Variants in CNTN4 observed in about 807,000 individuals in gnomAD.
The protein encoded by CNTN4 is contactin-4.
A neutral mutation model predicts 122.5 loss-of-function variants in CNTN4; 77 were observed. The observed-to-expected ratio is 0.63, with a 90% CI of 0.52 to 0.76. The LOEUF (loss-of-function observed/expected upper bound fraction) is 0.76. Ranked by LOEUF, CNTN4 falls within the 30% of genes least tolerant of loss-of-function variation. CNTN4 has a pLI of 0.00. For synonymous variants in CNTN4, 512 were observed against 447.0 expected (o/e 1.15, Z -1.83); for missense variants, 1,256 against 1,259.1 (o/e 1.00, Z 0.04).
intron 2 of CNTN4, among the ~76,000 whole-genome samples, chr3:2,192,144 G>T (rs1240453720): frequency 1.3e-5 from 2 of 152,004 alleles, no homozygotes; most frequent in African/African-American, 4.8e-5. Flanking sequence ...GGACATTTGG[G>T]TTGGTTCCAA....
intron 8 of CNTN4, among the ~76,000 whole-genome samples, chr3:2,871,881 G>T (rs1219092440): frequency 3.9e-5 from 6 of 152,160 alleles, no homozygotes; most frequent in Non-Finnish European, 8.8e-5. Flanking sequence ...GTAGATATAT[G>T]TGAGAACAGA....
At chr3:2,334,573 G>GCA (rs2043868562) in intron 2 of CNTN4, among the ~76,000 whole-genome samples, 1 of 143,994 alleles carries the variant, frequency 6.9e-6, no homozygotes, top group Non-Finnish European at 1.5e-5. Flanking sequence ...AGCAAATAAC[G>GCA]TGGTAAAGCT....
chr3:2,822,919 C>T (rs2092908025), intron 7 of CNTN4, among the ~76,000 whole-genome samples: 1 of 152,174 alleles, frequency 6.6e-6, no homozygotes. Flanking sequence ...ATTATAAGCT[C>T]TATTAGAAAT....
At chr3:2,178,049 C>A (rs952199960) in intron 2 of CNTN4, among the ~76,000 whole-genome samples, 25 of 152,010 alleles carry the variant, frequency 1.6e-4, no homozygotes, top group African/African-American at 5.6e-4. Context: ...AAAGTCATTA[C>A]CATTCACTTC....
chr3:2,198,207 C>T (rs1182205867), intron 2 of CNTN4, among the ~76,000 whole-genome samples: 1 of 152,100 alleles, frequency 6.6e-6, no homozygotes, highest in African/African-American at 2.4e-5. Context: ...GCTAATGCTC[C>T]TTGGAAAGTT....
chr3:2,386,172 G>T (rs916676903), intron 3 of CNTN4, among the ~76,000 whole-genome samples: 3 of 151,962 alleles, frequency 2.0e-5, no homozygotes, highest in African/African-American at 7.2e-5. Flanking sequence ...TCCCAGAAGG[G>T]AAAAATGAGT....
intron 4 of CNTN4, among the ~76,000 whole-genome samples, chr3:2,652,109 AT>A (rs1436804488): frequency 1.3e-5 from 2 of 151,450 alleles, no homozygotes; most frequent in Non-Finnish European, 2.9e-5. Context: ...TCCTACCAAC[AT>A]TTTTCGATTG....
intron 3 of CNTN4, among the ~76,000 whole-genome samples, chr3:2,460,275 C>G (rs2151427075): frequency 6.6e-6 from 1 of 152,246 alleles, no homozygotes; most frequent in South Asian, 2.1e-4. Flanking sequence ...GGTTTTCAAT[C>G]ACCTTAAAGT....
In CNTN4 at chr3:3,007,670, A is replaced by T. The variant is rs138335311; in HGVS notation, c.1487-18432A>T. On this transcript the variant is annotated intron_variant, in intron 14 of 24. Coordinates refer to ENST00000418658, the MANE Select transcript of CNTN4 (RefSeq NM_175607.3). ...TACCCTATTAAAAAGAGAGAATACC[A>T]GTGTGGTAAAATATCCACTTATCCA... 6.8e-4 allele frequency among the ~76,000 whole-genome samples: 104 copies of T among 152,334 alleles called. 2 individuals are homozygous for T. In the East Asian group the frequency reaches 0.019, roughly 27 times the overall value.
intron 2 of CNTN4, among the ~76,000 whole-genome samples, chr3:2,279,345 C>G (rs866671387): frequency 2.0e-5 from 3 of 152,060 alleles, no homozygotes; most frequent in Admixed American, 2.0e-4. Context: ...GTTATATGCC[C>G]TGGGATATAA....
intron 13 of CNTN4, among the ~76,000 whole-genome samples, chr3:2,952,794 A>T (rs1313834655): frequency 6.6e-6 from 1 of 152,200 alleles, no homozygotes; most frequent in South Asian, 2.1e-4. Context: ...AATCTCTAGT[A>T]TTCTAATTAG....
At chr3:2,663,335 G>A (rs4234548) in intron 4 of CNTN4, among the ~76,000 whole-genome samples, 59,538 of 152,028 alleles carry the variant, frequency 0.39, 12,470 homozygotes, top group South Asian at 0.55. Context: ...AAGAAGTACT[G>A]TAGGTAAAAT....
intron 4 of CNTN4, among the ~76,000 whole-genome samples, chr3:2,712,196 CA>C: frequency 6.6e-6 from 1 of 152,124 alleles, no homozygotes; most frequent in African/African-American, 2.4e-5. Context: ...AGTTGAATTG[CA>C]AAAACTTGGA....
intron 2 of CNTN4, among the ~76,000 whole-genome samples, chr3:2,256,235 A>G (rs2040585323): frequency 6.6e-6 from 1 of 152,180 alleles, no homozygotes. Flanking sequence ...CCCAAGACTA[A>G]ACCAGGAAGA....
At chr3:2,210,708 G>A (rs1347769971) in intron 2 of CNTN4, among the ~76,000 whole-genome samples, 1 of 152,122 alleles carries the variant, frequency 6.6e-6, no homozygotes, top group Non-Finnish European at 1.5e-5. Flanking sequence ...TCTTCTCTAT[G>A]GTAAGACTCA....
chr3:2,567,013 C>A (rs913375256), intron 3 of CNTN4, among the ~76,000 whole-genome samples: 1 of 151,694 alleles, frequency 6.6e-6, no homozygotes, highest in Non-Finnish European at 1.5e-5. Context: ...AAAATAAAAT[C>A]TTTTTAGGTC....
intron 2 of CNTN4, among the ~76,000 whole-genome samples, chr3:2,139,885 C>G (rs115451993): frequency 0.013 from 2,009 of 152,338 alleles, 51 homozygotes; most frequent in African/African-American, 0.046. Flanking sequence ...CCACCTGATA[C>G]GGTTTGTCTG....
At chr3:2,382,434 C>T (rs953744449) in intron 3 of CNTN4, among the ~76,000 whole-genome samples, 1 of 152,104 alleles carries the variant, frequency 6.6e-6, no homozygotes, top group African/African-American at 2.4e-5. Context: ...GGATTGCAGG[C>T]ATGAGCCACT....
intron 12 of CNTN4, among the ~76,000 whole-genome samples, chr3:2,917,375 T>A (rs1274813573): frequency 1.4e-5 from 2 of 139,138 alleles, no homozygotes; most frequent in Non-Finnish European, 3.1e-5. Context: ...AGAGGTGTAC[T>A]TTTTACCACA....
Sources: gnomAD v4.1 joint callset for allele counts (sites outside exome capture counted in the v4.1 genomes callset) on GRCh38, gnomAD v4.1.1 for gene constraint, MANE v1.5 for transcripts, NCBI Gene and HGNC (gene_info 2026-07-23, HGNC 2026-07-21) for gene names.